The following LYPLAL1 variants were observed in gnomAD, a reference collection of about 807,000 sequenced individuals.
LYPLAL1 encodes lysophospholipase like 1, also known as lysophospholipase-like protein 1.
A neutral mutation model predicts 19.7 loss-of-function variants in LYPLAL1; 23 were observed. The observed-to-expected ratio is 1.17, with a 90% CI of 0.84 to 1.65. The LOEUF is 1.65. Among genes scored for constraint, LYPLAL1 ranks in the 40% most tolerant of loss-of-function variants. The probability of loss-of-function intolerance (pLI) is 0.00; values close to 1 mark genes in which losing one functional copy is unlikely to be tolerated. For synonymous variants in LYPLAL1, 119 were observed against 96.3 expected (o/e 1.24, Z -1.38); for missense variants, 355 against 279.4 (o/e 1.27, Z -1.93).
At chr1:219,307,909 T>A in the LYPLAL1 span, among the ~76,000 whole-genome samples, 3 of 152,224 alleles carry the variant, frequency 2.0e-5, no homozygotes, top group African/African-American at 7.2e-5. Flanking sequence ...GAACTGTAAG[T>A]CCAATTAAAC....
chr1:219,426,552 A>G, the LYPLAL1 span, among the ~76,000 whole-genome samples: 3 of 152,118 alleles, frequency 2.0e-5, no homozygotes, highest in South Asian at 2.1e-4. Flanking sequence ...TAAGACTCCA[A>G]CATATTTTAT....
chr1:219,282,814 A>C, the LYPLAL1 span, among the ~76,000 whole-genome samples: 1 of 152,218 alleles, frequency 6.6e-6, no homozygotes, highest in African/African-American at 2.4e-5. Flanking sequence ...AGAAAACAAC[A>C]TAGTAAACCA....
chr1:219,211,418 G>C, intron 4 of LYPLAL1, 74 bp from the exon 5 acceptor site: 1 of 1,048,714 alleles, frequency 9.5e-7, no homozygotes, highest in Non-Finnish European at 1.4e-6. Context: ...GAATTTTCCT[G>C]TTCTCTCTGA....
At chr1:219,359,000 A>G in the LYPLAL1 span, among the ~76,000 whole-genome samples, 53 of 152,228 alleles carry the variant, frequency 3.5e-4, 1 homozygote, top group South Asian at 1.0e-2. Flanking sequence ...ATTTATAGAG[A>G]CATAAGTTTA....
chr1:219,210,529 TAGG>T lies in LYPLAL1; in HGVS notation c.364_366del (p.Gly122del). 1 of 1,571,594 alleles carries T rather than the reference TAGG, an allele frequency of 6.4e-7. No individual in the cohort carries two copies. The highest frequency in any genetic ancestry group is 8.7e-7 in the Non-Finnish European group (1 of 1,153,530). The stretch of plus-strand genomic sequence containing the variant: ...CTACTTTTAAGTATGTTTTTGTTTT[TAGG>T]AGGATTCTCTATGGGAGGATGCATG... On this transcript the variant is annotated splice_acceptor_variant and coding_sequence_variant, in exon 4 of 5. Transcript: ENST00000366928. LOFTEE classifies it high-confidence loss of function.
At chr1:219,349,990 A>G in the LYPLAL1 span, among the ~76,000 whole-genome samples, 4 of 152,202 alleles carry the variant, frequency 2.6e-5, no homozygotes, top group Non-Finnish European at 5.9e-5. Context: ...TTATTCAATG[A>G]TGCCTTTGAT....
At chr1:219,363,960 C>T in the LYPLAL1 span, among the ~76,000 whole-genome samples, 292 of 152,212 alleles carry the variant, frequency 1.9e-3, no homozygotes, top group Middle Eastern at 6.8e-3. Flanking sequence ...TGATTCTATG[C>T]AGTGAGCCAC....
chr1:219,174,617 G>T (rs910132233), intron 1 of LYPLAL1, among the ~76,000 whole-genome samples: 10 of 152,046 alleles, frequency 6.6e-5, no homozygotes. Flanking sequence ...TCCACTACCT[G>T]CCCTTAGTAA....
chr1:219,219,879 C>G, the LYPLAL1 span, among the ~76,000 whole-genome samples: 3 of 152,092 alleles, frequency 2.0e-5, no homozygotes, highest in Non-Finnish European at 4.4e-5. Flanking sequence ...GCAGGCCTAG[C>G]AGTCAAATTT....
chr1:219,310,238 C>T, the LYPLAL1 span, among the ~76,000 whole-genome samples: 15 of 152,288 alleles, frequency 9.8e-5, no homozygotes, highest in African/African-American at 3.6e-4. Flanking sequence ...TGACTGTTTT[C>T]AAGGTACAAA....
At chr1:219,428,561 G>A in the LYPLAL1 span, among the ~76,000 whole-genome samples, 242 of 152,118 alleles carry the variant, frequency 1.6e-3, no homozygotes, top group African/African-American at 5.6e-3. Context: ...CCCAGCCCCT[G>A]ACCTTAAAGA....
chr1:219,411,301 T>C, the LYPLAL1 span, among the ~76,000 whole-genome samples: 1 of 151,786 alleles, frequency 6.6e-6, no homozygotes, highest in African/African-American at 2.4e-5. Context: ...CAATCAGCAC[T>C]CTGTATCTAG....
At chr1:219,352,212 C>T in the LYPLAL1 span, among the ~76,000 whole-genome samples, 1 of 152,162 alleles carries the variant, frequency 6.6e-6, no homozygotes, top group Non-Finnish European at 1.5e-5. Context: ...GCCTCAGTCT[C>T]TTCACCTATA....
chr1:219,331,821 G>A, the LYPLAL1 span, among the ~76,000 whole-genome samples: 5 of 152,256 alleles, frequency 3.3e-5, no homozygotes, highest in African/African-American at 1.2e-4. Flanking sequence ...GTACAATTTT[G>A]TGGGTAATGA....
chr1:219,386,464 T>TA, the LYPLAL1 span, among the ~76,000 whole-genome samples: 1 of 152,182 alleles, frequency 6.6e-6, no homozygotes. Context: ...TGTGTGGCCA[T>TA]ATAGCCAGAG....
chr1:219,216,448 T>A (rs1659292673), downstream of LYPLAL1, among the ~76,000 whole-genome samples: 1 of 152,172 alleles, frequency 6.6e-6, no homozygotes, highest in Non-Finnish European at 1.5e-5. Flanking sequence ...TGTGGCTTCC[T>A]GGTGGTAGCA....
At chr1:219,229,580 C>T in the LYPLAL1 span, among the ~76,000 whole-genome samples, 1 of 152,224 alleles carries the variant, frequency 6.6e-6, no homozygotes, top group South Asian at 2.1e-4. Context: ...CGACAAGGTA[C>T]AGGGTCCAAT....
chr1:219,303,823 T>A, the LYPLAL1 span, among the ~76,000 whole-genome samples: 32 of 152,306 alleles, frequency 2.1e-4, no homozygotes, highest in African/African-American at 7.7e-4. Flanking sequence ...CATAGGTATC[T>A]TATGATACCT....
chr1:219,432,981 C>T, the LYPLAL1 span, among the ~76,000 whole-genome samples: 1 of 152,116 alleles, frequency 6.6e-6, no homozygotes, highest in Non-Finnish European at 1.5e-5. Flanking sequence ...TCTCAAGGCT[C>T]AGGAAAGCTG....
Sources: allele counts gnomAD v4.1 joint callset (sites outside exome capture counted in the v4.1 genomes callset), GRCh38; gene constraint gnomAD v4.1.1; transcripts MANE v1.5; gene names NCBI Gene and HGNC (gene_info 2026-07-23, HGNC 2026-07-21).